The following BNIP1 variants were observed in gnomAD, a reference collection of about 807,000 sequenced individuals.
BNIP1 encodes the protein BCL2 interacting protein 1.
Under a neutral mutation model 28.5 loss-of-function variants are expected in BNIP1, and 25 were observed. That is an observed-to-expected ratio of 0.88 (90% confidence interval 0.64 to 1.23). BNIP1 has a LOEUF of 1.23. Ranked by LOEUF, BNIP1 falls within the 50% of genes most tolerant of loss-of-function variation. The pLI, the probability that BNIP1 is intolerant of heterozygous loss-of-function variation, is 0.00. For missense variants in BNIP1, 276 were observed against 277.0 expected, an observed-to-expected ratio of 1.00 and a Z score of 0.02; for synonymous variants, 118 against 101.7, an observed-to-expected ratio of 1.16 and a Z score of -0.96.
At chr5:173,155,638 C>T (rs901192918) in intron 3 of BNIP1, among the ~76,000 whole-genome samples, 27 of 152,130 alleles carry the variant, frequency 1.8e-4, no homozygotes, top group African/African-American at 6.5e-4. Flanking sequence ...GCAGAGGTTG[C>T]AGTGAGCCGA....
In BNIP1 at chr5:173,161,558, G is replaced by A. The variant is rs560300497; in HGVS notation, c.490+1507G>A. 5 of 152,342 alleles carry A rather than the reference G, an allele frequency of 3.3e-5. No individual in the cohort carries two copies. In the East Asian group the frequency reaches 9.6e-4, roughly 29 times the overall value. The allele number at this position is 152,342 out of a possible 1,614,324, so 9.4% of individuals were successfully genotyped here. A position where few individuals can be genotyped will look rare whatever the true frequency, so the allele number is the denominator to read the frequency against. On this transcript the variant is annotated intron_variant, in intron 5 of 5. Coordinates refer to ENST00000351486, the MANE Select transcript of BNIP1 (RefSeq NM_001205.3). Reference sequence around the variant, plus strand: ...TGTTGAGAGGGTCCCGGTGTTCTTGGGGCCCATTTTGTACAAGCGATAACT... The same window carrying A: ...TGTTGAGAGGGTCCCGGTGTTCTTGAGGCCCATTTTGTACAAGCGATAACT...
chr5:173,163,327 G>T lies in BNIP1; in HGVS notation c.491-398G>T, dbSNP rs575745839. Among the ~76,000 whole-genome samples, 157 of 152,320 alleles carry T rather than the reference G, an allele frequency of 1.0e-3. 2 individuals are homozygous for T. The South Asian group carries it at 0.014, about 14-fold the overall frequency. The stretch of plus-strand genomic sequence containing the variant: ...GGAGGCCGCACCTCATAGGTGGAAG[G>T]TTCTGGTGCATTTGGCTGCTGCCCC... On this transcript the variant is annotated intron_variant, in intron 5 of 5. Transcript: ENST00000351486.
chr5:173,146,503 A>G (rs1409603866), intron 1 of BNIP1, among the ~76,000 whole-genome samples: 3 of 152,204 alleles, frequency 2.0e-5, no homozygotes, highest in Non-Finnish European at 4.4e-5. Flanking sequence ...GGAAGGATCT[A>G]AGGTTCTAAA....
chr5:173,148,485 A>G (rs893651556), intron 2 of BNIP1, among the ~76,000 whole-genome samples: 2 of 152,044 alleles, frequency 1.3e-5, no homozygotes, highest in Non-Finnish European at 2.9e-5. Context: ...CCTCAAAGTG[A>G]ATAGGGATGG....
chr5:173,158,722 C>A, intron 3 of BNIP1, 22 bp from the exon 4 acceptor site: 1 of 1,594,872 alleles, frequency 6.3e-7, no homozygotes. Context: ...GACACACTCA[C>A]ACGTGAACCT....
chr5:173,156,650 G>GTTT (rs1252904709), intron 3 of BNIP1, among the ~76,000 whole-genome samples: 3 of 136,486 alleles, frequency 2.2e-5, no homozygotes, highest in Non-Finnish European at 4.8e-5. Context: ...CTTTTCTTTT[G>GTTT]TTTTTTTTTT....
At position 173,146,950 on chromosome 5, in the gene BNIP1, A is replaced by G. The variant is rs1440609228; in HGVS notation, c.169A>G (p.Arg57Gly). 2 of 1,612,660 alleles carry G rather than the reference A, an allele frequency of 1.2e-6. No individual in the cohort carries two copies. Among genetic ancestry groups the G allele is most frequent in the Admixed American group, 1.7e-5 (1 of 60,004 alleles). ...AGAGAAATTTCAACAGTTGCGTCAC[A>G]GAATACAGGTGGGTATTCTCAATTC... Reference protein sequence around the residue: ...VKEKFQQLRHRIQDLEQLAKE... With the variant: ...VKEKFQQLRHGIQDLEQLAKE... Residue 57 changes from arginine to glycine, a missense_variant, in exon 2 of 6, where the codon AGA (arginine) becomes GGA (glycine). Transcript: ENST00000351486.
At chr5:173,163,650 C>T (rs576108870) in intron 5 of BNIP1, 75 bp from the exon 6 acceptor site, 1 of 1,381,330 alleles carries the variant, frequency 7.2e-7, no homozygotes, top group African/African-American at 1.5e-5. Context: ...TTATCAGCAC[C>T]CCAGCCAGCA....
At chr5:173,147,103 C>T (rs965636618) in intron 2 of BNIP1, 145 bp downstream of exon 2, 6 of 619,634 alleles carry the variant, frequency 9.7e-6, no homozygotes, top group African/African-American at 3.7e-5. Flanking sequence ...ACCTGCTCTC[C>T]AGGTAAAAAC....
chr5:173,156,740 C>T (rs1436073934), intron 3 of BNIP1, among the ~76,000 whole-genome samples: 4 of 149,540 alleles, frequency 2.7e-5, no homozygotes, highest in Admixed American at 6.7e-5. Context: ...CTCCACCTCC[C>T]GGGTTCACGC....
chr5:173,159,858 C>T, intron 4 of BNIP1, 75 bp from the exon 5 acceptor site: 2 of 1,203,478 alleles, frequency 1.7e-6, no homozygotes, highest in Non-Finnish European at 2.4e-6. Context: ...CATGAGATCT[C>T]ATTTGGATGT....
At chr5:173,163,466 G>A (rs529532351) in intron 5 of BNIP1, among the ~76,000 whole-genome samples, 1 of 152,286 alleles carries the variant, frequency 6.6e-6, no homozygotes, top group African/African-American at 2.4e-5. Flanking sequence ...GGGTGAGCAA[G>A]CCTCTTCTGC....
chr5:173,160,482 C>T (rs2113860522), intron 5 of BNIP1, among the ~76,000 whole-genome samples: 1 of 152,320 alleles, frequency 6.6e-6, no homozygotes, highest in Admixed American at 6.5e-5. Flanking sequence ...GATCCGCCTG[C>T]CTCAGCCTCC....
At chr5:173,151,036 C>T (rs924145047) in intron 2 of BNIP1, among the ~76,000 whole-genome samples, 22 of 151,970 alleles carry the variant, frequency 1.4e-4, no homozygotes, top group Middle Eastern at 3.4e-3. Flanking sequence ...GGAGTTTCAC[C>T]GTGTTAGCCA....
chr5:173,153,201 A>T (rs1341506409), intron 2 of BNIP1, among the ~76,000 whole-genome samples: 1 of 151,000 alleles, frequency 6.6e-6, no homozygotes, highest in Non-Finnish European at 1.5e-5. Flanking sequence ...GCTTCCCGCC[A>T]GGTCTCCTGA....
At chr5:173,153,170 T>C (rs1461753800) in intron 2 of BNIP1, among the ~76,000 whole-genome samples, 1 of 151,908 alleles carries the variant, frequency 6.6e-6, no homozygotes, top group Non-Finnish European at 1.5e-5. Context: ...AGGCCAAGTC[T>C]CTACAGAGGT....
intron 2 of BNIP1, chr5:173,151,698 A>T (rs1363972646): frequency 1.2e-6 from 2 of 1,611,610 alleles, no homozygotes; most frequent in African/African-American, 2.7e-5. Context: ...CTTCAGTGTG[A>T]GTATTTGTAT....
intron 2 of BNIP1, chr5:173,151,470 C>T: frequency 1.5e-6 from 2 of 1,293,162 alleles, no homozygotes; most frequent in East Asian, 2.4e-5. Context: ...GATTGCCTGC[C>T]TCAGCCTTCC....
intron 5 of BNIP1, chr5:173,161,217 A>G (rs938551413): frequency 5.9e-6 from 1 of 170,412 alleles, no homozygotes; most frequent in African/African-American, 2.4e-5. Context: ...CAACCCCATA[A>G]CTACAATACC....
Sources: allele counts gnomAD v4.1 joint callset (sites outside exome capture counted in the v4.1 genomes callset), GRCh38; gene constraint gnomAD v4.1.1; transcripts MANE v1.5; gene names NCBI Gene and HGNC (gene_info 2026-07-23, HGNC 2026-07-21).